The following TMX4 variants were observed in gnomAD, a reference collection of about 807,000 sequenced individuals.
TMX4 encodes the protein thioredoxin related transmembrane protein 4, also known as thioredoxin-related transmembrane protein 4.
In TMX4, 23 loss-of-function variants were observed where a neutral mutation model predicts 33.3. The observed-to-expected ratio is 0.69, with a 90% confidence interval of 0.50 to 0.98. The LOEUF (loss-of-function observed/expected upper bound fraction) is 0.98, where lower values mean the gene tolerates loss of function less well. Among genes scored for constraint, TMX4 ranks in the 50% least tolerant of loss-of-function variants. TMX4 has a pLI of 0.00. For missense variants in TMX4, 399 were observed against 448.9 expected (o/e 0.89, Z 1.01); for synonymous variants, 164 against 161.5 (o/e 1.02, Z -0.12).
chr20:8,001,380 T>C, intron 3 of TMX4, 116 bp downstream of exon 3: 1 of 1,080,032 alleles, frequency 9.3e-7, no homozygotes, highest in Non-Finnish European at 1.4e-6. Context: ...ACACCAGCCT[T>C]GTTTCCCTCA....
intron 2 of TMX4, among the ~76,000 whole-genome samples, chr20:8,004,110 TA>T (rs1483197587): frequency 3.4e-5 from 5 of 146,920 alleles, no homozygotes; most frequent in Admixed American, 6.8e-5. Flanking sequence ...TCCAACACCA[TA>T]AGAAATTCAT....
chr20:7,997,805 A>T (rs1418065654), intron 4 of TMX4, among the ~76,000 whole-genome samples: 1 of 152,202 alleles, frequency 6.6e-6, no homozygotes. Flanking sequence ...ATTTCTTAAA[A>T]TTGTAAGCAT....
At chr20:7,995,886 CAT>C (rs1196674822) in intron 5 of TMX4, 138 bp downstream of exon 5, 9 of 680,022 alleles carry the variant, frequency 1.3e-5, no homozygotes, top group Admixed American at 2.9e-5. Context: ...GGAAACCCCA[CAT>C]GAGAGTAGTT....
Position 8,010,263 on chromosome 20 carries a change from A to G in TMX4, c.229T>C (p.Phe77Leu). The G allele has an allele frequency of 6.2e-7, 1 of 1,612,264 alleles. No individual in the cohort carries two copies. The highest frequency in any genetic ancestry group is 2.2e-5 in the East Asian group (1 of 44,808). ...CQQTDSEWEA[F>L]AKNGEILQIS... ...TGAAGTATTTCACCATTCTTTGCAA[A>G]AGCCTCCCATTCTGAATCAGTCTGC... Residue 77 changes from phenylalanine to leucine, a missense_variant, in exon 2 of 8, where the codon TTT (phenylalanine) becomes CTT (leucine). Physicochemically the swap from Phe to Leu is conservative, Grantham distance 22. Coordinates refer to ENST00000246024, the MANE Select transcript of TMX4 (RefSeq NM_021156.4).
intron 6 of TMX4, among the ~76,000 whole-genome samples, chr20:7,984,760 C>A (rs539491508): frequency 2.6e-5 from 4 of 152,100 alleles, no homozygotes; most frequent in Admixed American, 6.5e-5. Context: ...TTATCCTACT[C>A]TTCTATTCTG....
chr20:8,001,631 T>C, intron 2 of TMX4, 90 bp from the exon 3 acceptor site: 1 of 1,232,452 alleles, frequency 8.1e-7, no homozygotes, highest in Non-Finnish European at 1.1e-6. Flanking sequence ...ATTATTAAAA[T>C]CACTGCAATT....
intron 2 of TMX4, among the ~76,000 whole-genome samples, chr20:8,004,001 T>C (rs16994331): frequency 0.15 from 22,401 of 151,880 alleles, 2,576 homozygotes; most frequent in East Asian, 0.53. Flanking sequence ...GGAATAATAT[T>C]CTGTCATATA....
chr20:8,003,172 A>T (rs6133522), intron 2 of TMX4, among the ~76,000 whole-genome samples: 5 of 152,060 alleles, frequency 3.3e-5, no homozygotes, highest in African/African-American at 1.2e-4. Context: ...CTTTGGTTTA[A>T]GATAATTATT....
Position 7,999,906 on chromosome 20 carries a change from G to A in TMX4, c.339-46C>T, listed in dbSNP as rs774141461. 9.1e-5 allele frequency: 141 copies of A among 1,556,540 alleles called. 4 individuals are homozygous for A. Among genetic ancestry groups the A allele is most frequent in the African/African-American group, 5.9e-5 (4 of 68,194 alleles). On this transcript the variant is annotated intron_variant, in intron 3 of 7. Transcript: ENST00000246024. ...TAGAAAGCAAATGCATTAAAATAAC[G>A]ATGTTACAGATAATAAAAATTAAAA...
At chr20:7,982,658 A>G in intron 7 of TMX4, 37 bp from the exon 8 acceptor site, 1 of 1,564,076 alleles carries the variant, frequency 6.4e-7, no homozygotes. Flanking sequence ...CTCTGAATAA[A>G]CAATGGTAAT....
chr20:7,983,879 T>C (rs913360473), intron 6 of TMX4, 22 bp from the exon 7 acceptor site: 1 of 1,595,160 alleles, frequency 6.3e-7, no homozygotes, highest in South Asian at 1.1e-5. Flanking sequence ...AAAGTGATTT[T>C]ACAGTGAATA....
intron 5 of TMX4, among the ~76,000 whole-genome samples, chr20:7,988,997 G>A (rs968516393): frequency 6.6e-6 from 1 of 151,336 alleles, no homozygotes; most frequent in Non-Finnish European, 1.5e-5. Context: ...TCCAGCCTGG[G>A]TGACAGGGCA....
intron 4 of TMX4, among the ~76,000 whole-genome samples, 167 bp from the exon 5 acceptor site, chr20:7,996,238 T>A (rs2050675963): frequency 6.6e-6 from 1 of 152,188 alleles, no homozygotes; most frequent in Non-Finnish European, 1.5e-5. Context: ...GGCTATCATT[T>A]GAATCACTCT....
At chr20:8,019,287 C>T in intron 1 of TMX4, 151 bp downstream of exon 1, 2 of 943,508 alleles carry the variant, frequency 2.1e-6, no homozygotes, top group South Asian at 1.9e-5. Flanking sequence ...GCAAGCGGCC[C>T]GGCACCGGCG....
chr20:8,009,052 C>T (rs933883950), intron 2 of TMX4, among the ~76,000 whole-genome samples: 11 of 152,070 alleles, frequency 7.2e-5, no homozygotes, highest in South Asian at 2.1e-4. Context: ...CTTCTATACC[C>T]ATCTTCTTTT....
intron 1 of TMX4, among the ~76,000 whole-genome samples, chr20:8,012,198 A>G (rs1470933560): frequency 6.6e-6 from 1 of 152,152 alleles, no homozygotes; most frequent in Non-Finnish European, 1.5e-5. Flanking sequence ...AAGATCAACC[A>G]GGAATTAATC....
At chr20:7,986,108 G>A (rs552957064) in intron 6 of TMX4, among the ~76,000 whole-genome samples, 3 of 152,274 alleles carry the variant, frequency 2.0e-5, no homozygotes, top group Admixed American at 2.0e-4. Context: ...GAGAAGCACA[G>A]ACAATCACAT....
rs1221511473 is a variant in TMX4, at chr20:7,980,867, G to A, written c.*1384C>T. 6.6e-6 allele frequency: 1 copy of A among 152,188 alleles called. No individual in the cohort carries two copies. The highest frequency in any genetic ancestry group is 1.5e-5 in the Non-Finnish European group (1 of 68,034). 9.4% of individuals were successfully genotyped at this position (152,188 alleles called of 1,614,324 possible). A position where few individuals can be genotyped will look rare whatever the true frequency, so the allele number is the denominator to read the frequency against. On this transcript the variant is annotated 3_prime_UTR_variant, in exon 8 of 8. Transcript: ENST00000246024. ...AAAGGGTTATCTAAACAGCCAGATA[G>A]AAATATACTGCACGTTCCTTTTTAA...
At chr20:8,014,745 T>C (rs1362801527) in intron 1 of TMX4, among the ~76,000 whole-genome samples, 1 of 152,202 alleles carries the variant, frequency 6.6e-6, no homozygotes, top group Non-Finnish European at 1.5e-5. Context: ...AGTAAAAATG[T>C]TCTTTACTTG....
Sources: gnomAD v4.1 joint callset for allele counts (sites outside exome capture counted in the v4.1 genomes callset) on GRCh38, gnomAD v4.1.1 for gene constraint, MANE v1.5 for transcripts, NCBI Gene and HGNC (gene_info 2026-07-23, HGNC 2026-07-21) for gene names.